Variants in ZFPM2 observed in about 807,000 individuals in gnomAD.
The protein encoded by ZFPM2 is zinc finger protein ZFPM2.
ZFPM2 carries 20 observed loss-of-function variants against 98.6 expected under a neutral mutation model. The ratio of observed to expected loss-of-function variants is 0.20; its 90% CI spans 0.14 to 0.29. The LOEUF (loss-of-function observed/expected upper bound fraction) is 0.29. ZFPM2 is among the 10% of genes least tolerant of loss of function. The probability of loss-of-function intolerance (pLI) is 1.00; values close to 1 mark genes in which losing one functional copy is unlikely to be tolerated. For missense variants in ZFPM2, 1,310 were observed against 1,388.6 expected, an observed-to-expected ratio of 0.94 and a Z score of 0.90; for synonymous variants, 518 against 502.7, an observed-to-expected ratio of 1.03 and a Z score of -0.41.
intron 3 of ZFPM2, among the ~76,000 whole-genome samples, chr8:105,521,256 C>A (rs1425380416): frequency 6.6e-6 from 1 of 151,744 alleles, no homozygotes. Context: ...AAACTGTGAG[C>A]AATTTCTAGA....
chr8:105,668,714 T>G (rs1322428954), intron 5 of ZFPM2, among the ~76,000 whole-genome samples: 1 of 152,200 alleles, frequency 6.6e-6, no homozygotes, highest in Admixed American at 6.5e-5. Context: ...CGTATTTAAT[T>G]ATAGATGCTT....
chr8:105,490,509 T>C (rs1813336431), intron 3 of ZFPM2, among the ~76,000 whole-genome samples: 1 of 152,228 alleles, frequency 6.6e-6, no homozygotes. Context: ...CCACAGCTAT[T>C]GTTGCCTAAA....
rs770026665 is a variant in ZFPM2 at position 105,802,757 on chromosome 8, G to C, written c.2675G>C (p.Gly892Ala). 6.2e-7 allele frequency: 1 copy of C among 1,613,470 alleles called. No individual in the cohort carries two copies. Among genetic ancestry groups the C allele is most frequent in the East Asian group, 2.2e-5 (1 of 44,826 alleles). Reference protein sequence around the residue: ...HQRNDLGQLDGKVFPNPESER... With the variant: ...HQRNDLGQLDAKVFPNPESER... ...CGTAATGACCTGGGTCAACTGGACGGCAAAGTGTTTCCGAATCCAGAAAGC... is the reference window on the plus strand; with the variant it reads ...CGTAATGACCTGGGTCAACTGGACGCCAAAGTGTTTCCGAATCCAGAAAGC... Residue 892 changes from glycine to alanine, a missense_variant, in exon 8 of 8, where the codon GGC becomes GCC. Gly to Ala is a moderately conservative substitution (Grantham distance 60). Transcript: ENST00000407775.
At chr8:105,587,278 GAAAA>G (rs1217188691) in intron 4 of ZFPM2, among the ~76,000 whole-genome samples, 1 of 52,040 alleles carries the variant, frequency 1.9e-5, no homozygotes, top group African/African-American at 7.9e-5. Flanking sequence ...CTCTGTCTCA[GAAAA>G]AAAAAAAAAA....
At chr8:105,742,622 T>G (rs1812245963) in intron 5 of ZFPM2, among the ~76,000 whole-genome samples, 1 of 152,010 alleles carries the variant, frequency 6.6e-6, no homozygotes, top group Non-Finnish European at 1.5e-5. Flanking sequence ...CTGGGTGTGG[T>G]GGCTCACACC....
chr8:105,736,066 G>T (rs1396703279), intron 5 of ZFPM2, among the ~76,000 whole-genome samples: 1 of 151,922 alleles, frequency 6.6e-6, no homozygotes, highest in Non-Finnish European at 1.5e-5. Flanking sequence ...TATTGCGATA[G>T]TATTAATGTT....
intron 1 of ZFPM2, among the ~76,000 whole-genome samples, chr8:105,416,175 T>C (rs1811676574): frequency 6.6e-6 from 1 of 151,634 alleles, no homozygotes. Context: ...ATATATAAAA[T>C]TGCCATAACA....
intron 3 of ZFPM2, among the ~76,000 whole-genome samples, chr8:105,554,867 A>G (rs753016826): frequency 1.3e-5 from 2 of 152,142 alleles, no homozygotes; most frequent in Non-Finnish European, 2.9e-5. Flanking sequence ...GTGTGCTACT[A>G]TGTTCATATC....
chr8:105,615,184 A>C (rs1178117523), intron 4 of ZFPM2, among the ~76,000 whole-genome samples: 15 of 152,042 alleles, frequency 9.9e-5, no homozygotes, highest in Non-Finnish European at 1.5e-5. Context: ...GAAAAAAAAA[A>C]CACTCTTATG....
At chr8:105,495,443 G>A (rs1231676912) in intron 3 of ZFPM2, among the ~76,000 whole-genome samples, 1 of 152,130 alleles carries the variant, frequency 6.6e-6, no homozygotes, top group Non-Finnish European at 1.5e-5. Flanking sequence ...GAATACATTG[G>A]AATGTATAGA....
intron 5 of ZFPM2, among the ~76,000 whole-genome samples, chr8:105,673,497 T>C (rs112614813): frequency 2.6e-5 from 4 of 152,236 alleles, no homozygotes; most frequent in African/African-American, 7.2e-5. Flanking sequence ...TGACTCTTTC[T>C]GGGAGAACAC....
At chr8:105,723,533 T>A (rs1034425522) in intron 5 of ZFPM2, among the ~76,000 whole-genome samples, 2 of 151,826 alleles carry the variant, frequency 1.3e-5, no homozygotes, top group Non-Finnish European at 2.9e-5. Context: ...TCAAAATAAC[T>A]TTAAAAGGCA....
chr8:105,481,119 C>T (rs115262250), intron 3 of ZFPM2, among the ~76,000 whole-genome samples: 234 of 152,048 alleles, frequency 1.5e-3, no homozygotes, highest in African/African-American at 5.4e-3. Context: ...TGGTTTAGTG[C>T]GGACTAGGAG....
chr8:105,408,168 A>G (rs1811499827), intron 1 of ZFPM2, among the ~76,000 whole-genome samples: 1 of 151,874 alleles, frequency 6.6e-6, no homozygotes, highest in African/African-American at 2.4e-5. Context: ...TTTTGTTATC[A>G]CACCCTACCC....
intron 1 of ZFPM2, among the ~76,000 whole-genome samples, chr8:105,376,093 C>T (rs942181970): frequency 6.6e-6 from 1 of 152,130 alleles, no homozygotes; most frequent in African/African-American, 2.4e-5. Context: ...GATTCCTCAG[C>T]ACTCCCCTAA....
intron 5 of ZFPM2, among the ~76,000 whole-genome samples, chr8:105,676,348 A>G (rs1277303456): frequency 6.6e-6 from 1 of 152,130 alleles, no homozygotes. Context: ...CAAGATAGTA[A>G]AATTCCCTGC....
At chr8:105,380,027 A>G (rs1810813277) in intron 1 of ZFPM2, among the ~76,000 whole-genome samples, 1 of 152,122 alleles carries the variant, frequency 6.6e-6, no homozygotes, top group Non-Finnish European at 1.5e-5. Context: ...GCTCCGTTAT[A>G]TAGAAATTCA....
At chr8:105,426,513 C>G (rs780174541) in intron 2 of ZFPM2, among the ~76,000 whole-genome samples, 4 of 152,114 alleles carry the variant, frequency 2.6e-5, no homozygotes, top group Non-Finnish European at 4.4e-5. Context: ...CATTATTGTT[C>G]CTTGGCAGAG....
intron 5 of ZFPM2, among the ~76,000 whole-genome samples, chr8:105,688,722 G>A (rs1450202951): frequency 1.3e-5 from 2 of 151,924 alleles, no homozygotes; most frequent in African/African-American, 4.8e-5. Flanking sequence ...TATTTTTCAA[G>A]GCATATGTTT....
Sources: allele counts gnomAD v4.1 joint callset (sites outside exome capture counted in the v4.1 genomes callset), GRCh38; gene constraint gnomAD v4.1.1; transcripts MANE v1.5; gene names NCBI Gene and HGNC (gene_info 2026-07-23, HGNC 2026-07-21).